RBFOX1: variants seen among roughly 807,000 people sequenced by gnomAD.
RBFOX1 encodes the protein RNA binding protein fox-1 homolog 1.
RBFOX1 carries 8 observed loss-of-function variants against 57.7 expected under a neutral mutation model. The observed-to-expected ratio is 0.14, with a 90% CI of 0.08 to 0.25. The LOEUF (loss-of-function observed/expected upper bound fraction) is 0.25. Ranked by LOEUF, RBFOX1 falls within the 10% of genes least tolerant of loss-of-function variation. The pLI, the probability that RBFOX1 is intolerant of heterozygous loss-of-function variation, is 1.00. For synonymous variants in RBFOX1, 326 were observed against 222.4 expected, an observed-to-expected ratio of 1.47 and a Z score of -4.15; for missense variants, 611 against 548.5, an observed-to-expected ratio of 1.11 and a Z score of -1.14.
chr16:6,156,889 G>C (rs753374812), intron 1 of RBFOX1, among the ~76,000 whole-genome samples: 9 of 151,962 alleles, frequency 5.9e-5, no homozygotes, highest in Non-Finnish European at 8.8e-5. Context: ...ACCCAGACTG[G>C]ATGGCAGGGG....
chr16:7,343,241 C>T (rs1304009869), intron 4 of RBFOX1, among the ~76,000 whole-genome samples: 2 of 152,174 alleles, frequency 1.3e-5, no homozygotes, highest in African/African-American at 4.8e-5. Context: ...CACTGGGCAG[C>T]TTATGGGAAG....
intron 2 of RBFOX1, among the ~76,000 whole-genome samples, chr16:6,368,326 C>T (rs1179681459): frequency 6.6e-6 from 1 of 152,226 alleles, no homozygotes; most frequent in Admixed American, 6.5e-5. Flanking sequence ...CAGGAATCTT[C>T]AGTCTGCAAG....
At chr16:5,554,808 A>C (rs1405213008) in intron 2 of RBFOX1, among the ~76,000 whole-genome samples, 1 of 152,212 alleles carries the variant, frequency 6.6e-6, no homozygotes, top group African/African-American at 2.4e-5. Flanking sequence ...AAGTTAATTA[A>C]TTCATTTGTC....
chr16:6,764,285 A>G (rs1389314236), intron 3 of RBFOX1, among the ~76,000 whole-genome samples: 1 of 152,200 alleles, frequency 6.6e-6, no homozygotes, highest in Non-Finnish European at 1.5e-5. Context: ...ACTTTGCTCA[A>G]TCTGTGCACA....
Position 6,805,771 on chromosome 16 carries a change from G to A in RBFOX1, c.-16+151121G>A, listed in dbSNP as rs185553698. 2.8e-3 allele frequency among the ~76,000 whole-genome samples: 422 copies of A among 152,272 alleles called. 10 individuals carry two copies. Among genetic ancestry groups the A allele is most frequent in the Non-Finnish European group, 7.1e-4 (48 of 68,022 alleles). On this transcript the variant is annotated intron_variant, in intron 3 of 15. Coordinates refer to ENST00000550418, the MANE Select transcript of RBFOX1 (RefSeq NM_018723.4). The stretch of plus-strand genomic sequence containing the variant: ...TTTTCCCTCCACTGTAAAGTCTGAA[G>A]TGTAACACCCAAGCCATGTGGAGAT...
rs1189363168 is a variant in RBFOX1 at position 7,083,253 on chromosome 16, C to A, written c.27+31155C>A. 2.0e-5 allele frequency among the ~76,000 whole-genome samples: 3 copies of A among 151,910 alleles called. No homozygotes were observed. In the East Asian group the frequency reaches 5.9e-4, roughly 30 times the overall value. On this transcript the variant is annotated intron_variant, in intron 4 of 15. Coordinates refer to ENST00000550418, the MANE Select transcript of RBFOX1 (RefSeq NM_018723.4). ...ACTCCAGAGTACAGGGATTGTAACACCTCCCACACTTGATTAATGGGAAAC... is the reference window on the plus strand; with the variant it reads ...ACTCCAGAGTACAGGGATTGTAACAACTCCCACACTTGATTAATGGGAAAC...
chr16:6,489,773 G>C (rs940927287), intron 2 of RBFOX1, among the ~76,000 whole-genome samples: 1 of 152,060 alleles, frequency 6.6e-6, no homozygotes, highest in Non-Finnish European at 1.5e-5. Flanking sequence ...ACTTCACCTG[G>C]GTCAGGAGGT....
At chr16:5,833,073 G>C (rs1402870900) in intron 3 of RBFOX1, among the ~76,000 whole-genome samples, 3 of 152,092 alleles carry the variant, frequency 2.0e-5, no homozygotes, top group Non-Finnish European at 4.4e-5. Context: ...GATTTCTATG[G>C]TACAGTACAG....
At chr16:6,729,348 A>C (rs1045499219) in intron 3 of RBFOX1, among the ~76,000 whole-genome samples, 17 of 152,296 alleles carry the variant, frequency 1.1e-4, no homozygotes, top group Admixed American at 1.0e-3. Context: ...ATCAAGGTAA[A>C]TCTAATTCAG....
chr16:7,621,702 C>T (rs1418972056), intron 10 of RBFOX1, among the ~76,000 whole-genome samples: 1 of 152,160 alleles, frequency 6.6e-6, no homozygotes, highest in East Asian at 1.9e-4. Flanking sequence ...ATGATAGCCT[C>T]TGAAATACTT....
intron 2 of RBFOX1, among the ~76,000 whole-genome samples, chr16:6,560,070 C>A (rs6500797): frequency 6.6e-6 from 1 of 151,950 alleles, no homozygotes; most frequent in Non-Finnish European, 1.5e-5. Context: ...ATTTCCCTTT[C>A]CCCTAAGAAG....
At chr16:7,358,963 T>C (rs371510925) in intron 4 of RBFOX1, among the ~76,000 whole-genome samples, 20 of 152,238 alleles carry the variant, frequency 1.3e-4, no homozygotes, top group African/African-American at 4.8e-4. Context: ...CTCCTTTTAA[T>C]AGACAATTAG....
chr16:5,244,878 G>A (rs897766803), intron 1 of RBFOX1, among the ~76,000 whole-genome samples: 19 of 152,216 alleles, frequency 1.2e-4, no homozygotes, highest in African/African-American at 4.3e-4. Context: ...GCCCCTGCAG[G>A]GAAGCAAGTC....
In RBFOX1 at chr16:5,630,465, AG is replaced by A. The variant is rs200466784; in HGVS notation, c.318+31505del. Among the ~76,000 whole-genome samples, 235 of 152,180 alleles carry A rather than the reference AG, an allele frequency of 1.5e-3. 2 individuals are homozygous for A. Among genetic ancestry groups the A allele is most frequent in the African/African-American group, 5.2e-3 (214 of 41,476 alleles). ...GAGTAAGACTCTGTCTCGAAAAAAA[AG>A]AAAGAAAAAAAGGAGAAAACTTTGG... On this transcript the variant is annotated intron_variant, in intron 3 of 19. Transcript: ENST00000641259.
intron 4 of RBFOX1, among the ~76,000 whole-genome samples, chr16:5,910,026 C>G (rs1384975093): frequency 6.6e-6 from 1 of 151,894 alleles, no homozygotes; most frequent in Non-Finnish European, 1.5e-5. Flanking sequence ...ATACTCCAGC[C>G]TTGGTGACAG....
At chr16:5,703,365 G>C (rs1349853543) in intron 3 of RBFOX1, among the ~76,000 whole-genome samples, 1 of 152,204 alleles carries the variant, frequency 6.6e-6, no homozygotes. Flanking sequence ...TGCTGAGGGA[G>C]AGGAGCAAAG....
chr16:6,743,152 C>A (rs561307752), intron 3 of RBFOX1, among the ~76,000 whole-genome samples: 2 of 152,012 alleles, frequency 1.3e-5, no homozygotes, highest in Admixed American at 6.6e-5. Context: ...TTACTGTAAA[C>A]CCTTAAGTTC....
chr16:6,855,894 C>G (rs558540135), intron 3 of RBFOX1, among the ~76,000 whole-genome samples: 1 of 143,964 alleles, frequency 6.9e-6, no homozygotes, highest in Non-Finnish European at 1.5e-5. Context: ...TTGTCTCCCT[C>G]CTTACCTCCC....
chr16:5,815,103 C>G (rs754397391), intron 3 of RBFOX1, among the ~76,000 whole-genome samples: 1 of 151,360 alleles, frequency 6.6e-6, no homozygotes, highest in Non-Finnish European at 1.5e-5. Context: ...CCTCAGCCTC[C>G]TGAGTCACTG....
Sources: gnomAD v4.1 joint callset for allele counts (sites outside exome capture counted in the v4.1 genomes callset) on GRCh38, gnomAD v4.1.1 for gene constraint, MANE v1.5 for transcripts, NCBI Gene and HGNC (gene_info 2026-07-23, HGNC 2026-07-21) for gene names.